SLC5A4: variants seen among roughly 807,000 people sequenced by gnomAD.
The protein encoded by SLC5A4 is solute carrier family 5 member 4, also known as probable glucose sensor protein SLC5A4.
A neutral mutation model predicts 70.3 loss-of-function variants in SLC5A4; 55 were observed. The observed-to-expected ratio is 0.78, with a 90% CI of 0.63 to 0.98. The LOEUF (loss-of-function observed/expected upper bound fraction) is 0.98, where lower values mean the gene tolerates loss of function less well. SLC5A4 is among the 50% of genes least tolerant of loss of function. The pLI is 0.00. For synonymous variants in SLC5A4, 268 were observed against 305.7 expected (o/e 0.88, Z 1.29); for missense variants, 735 against 839.2 (o/e 0.88, Z 1.53).
At chr22:32,308,675 C>T in the SLC5A4 span, among the ~76,000 whole-genome samples, 232 of 152,100 alleles carry the variant, frequency 1.5e-3, no homozygotes, top group African/African-American at 5.4e-3. Flanking sequence ...GGAGATGCCA[C>T]CCACCCTGGG....
the SLC5A4 span, among the ~76,000 whole-genome samples, chr22:32,349,105 G>T: frequency 6.6e-6 from 1 of 152,084 alleles, no homozygotes; most frequent in Non-Finnish European, 1.5e-5. Context: ...CTCCCGAGTA[G>T]CTGGGATTAC....
At chr22:32,308,966 TCTCA>T in the SLC5A4 span, among the ~76,000 whole-genome samples, 30 of 152,160 alleles carry the variant, frequency 2.0e-4, no homozygotes, top group Non-Finnish European at 3.5e-4. Flanking sequence ...ACCTAGACAG[TCTCA>T]CTCTGTCGCC....
In SLC5A4 at chr22:32,229,183, G is replaced by T. The variant is rs367930190; in HGVS notation, c.1280+11C>A. The T allele has an allele frequency of 1.2e-5, 19 of 1,612,212 alleles. No homozygotes were observed. In the African/African-American group the frequency reaches 2.4e-4, roughly 20 times the overall value. ...CCAGAGGATTCTAGGTGGGAACCAGGGTTCACTCACCGTCCAGCTATCAGG... is the reference window on the plus strand; with the variant it reads ...CCAGAGGATTCTAGGTGGGAACCAGTGTTCACTCACCGTCCAGCTATCAGG... On this transcript the variant is annotated intron_variant, in intron 11 of 14. Transcript: ENST00000266086.
At chr22:32,302,758 C>T in the SLC5A4 span, among the ~76,000 whole-genome samples, 20 of 152,212 alleles carry the variant, frequency 1.3e-4, no homozygotes, top group African/African-American at 2.6e-4. Context: ...GAGTGATTAC[C>T]CCCATTTCTC....
chr22:32,257,510 C>T (rs1191185774), upstream of SLC5A4, among the ~76,000 whole-genome samples: 2 of 152,046 alleles, frequency 1.3e-5, no homozygotes, highest in African/African-American at 4.8e-5. Context: ...ACATGCCACC[C>T]ATGCCTGGCT....
chr22:32,267,640 A>G, the SLC5A4 span, among the ~76,000 whole-genome samples: 1 of 151,964 alleles, frequency 6.6e-6, no homozygotes, highest in Non-Finnish European at 1.5e-5. Context: ...CACTGCACCC[A>G]GCCAACCTTT....
rs1411905917 is a variant in SLC5A4, at chr22:32,225,676, G to C, written c.1428C>G (p.Phe476Leu). Residue 476 changes from phenylalanine to leucine, a missense_variant, in exon 12 of 15, where the codon TTC becomes TTG. Coordinates refer to ENST00000266086, the MANE Select transcript of SLC5A4 (RefSeq NM_014227.3). ...TCACCTGTTCATTGACTCTTTTACA[G>C]AAGATGGCAAGCACAAAGACAGCTG... ...PIAAVFVLAI[F>L]CKRVNEQGAF... 6.2e-7 allele frequency: 1 copy of C among 1,611,884 alleles called. No homozygotes were observed. The highest frequency in any genetic ancestry group is 8.5e-7 in the Non-Finnish European group (1 of 1,179,172).
the SLC5A4 span, chr22:32,354,908 G>A: frequency 0.02 from 2,981 of 152,476 alleles, 80 homozygotes; most frequent in African/African-American, 0.063. Context: ...GTGAGCCACG[G>A]CAGGCTCCAG....
At chr22:32,306,594 G>C in the SLC5A4 span, among the ~76,000 whole-genome samples, 14 of 152,228 alleles carry the variant, frequency 9.2e-5, no homozygotes, top group African/African-American at 3.4e-4. Context: ...AGCTCTCAGA[G>C]AGACCCCATG....
chr22:32,310,026 C>T, the SLC5A4 span, among the ~76,000 whole-genome samples: 1 of 126,654 alleles, frequency 7.9e-6, no homozygotes, highest in Admixed American at 1.0e-4. Context: ...TCAGTTATTC[C>T]TGAAAAGACC....
At chr22:32,271,644 C>A in the SLC5A4 span, 2 of 613,834 alleles carry the variant, frequency 3.3e-6, no homozygotes, top group Non-Finnish European at 6.0e-6. Context: ...TGCGGCCCCT[C>A]ACCTCACTGG....
chr22:32,334,403 C>T, the SLC5A4 span, among the ~76,000 whole-genome samples: 1 of 152,136 alleles, frequency 6.6e-6, no homozygotes, highest in Non-Finnish European at 1.5e-5. Context: ...CCTCAGTGTG[C>T]CCCTCCAACA....
the SLC5A4 span, among the ~76,000 whole-genome samples, chr22:32,274,168 T>C: frequency 6.6e-6 from 1 of 151,968 alleles, no homozygotes; most frequent in Non-Finnish European, 1.5e-5. Context: ...GCCTCCCCAG[T>C]AGCTGGGACT....
chr22:32,220,016 A>G (rs1379980529), intron 14 of SLC5A4, among the ~76,000 whole-genome samples: 1 of 137,438 alleles, frequency 7.3e-6, no homozygotes, highest in East Asian at 2.1e-4. Context: ...AAATTTGATC[A>G]GTAATTAAGA....
At chr22:32,247,844 G>A (rs1926923096) in intron 4 of SLC5A4, among the ~76,000 whole-genome samples, 1 of 152,184 alleles carries the variant, frequency 6.6e-6, no homozygotes, top group East Asian at 1.9e-4. Flanking sequence ...CCAAACATAA[G>A]TGAAGTCATC....
chr22:32,278,059 C>T, the SLC5A4 span, among the ~76,000 whole-genome samples: 4 of 152,140 alleles, frequency 2.6e-5, no homozygotes, highest in Admixed American at 6.5e-5. Context: ...ACTGGATCAT[C>T]TCTTATATGG....
At chr22:32,240,602 C>T (rs551657353) in intron 5 of SLC5A4, among the ~76,000 whole-genome samples, 11 of 152,166 alleles carry the variant, frequency 7.2e-5, no homozygotes, top group Admixed American at 3.3e-4. Flanking sequence ...AGACAAATTG[C>T]GTAACATTTT....
the SLC5A4 span, among the ~76,000 whole-genome samples, chr22:32,344,249 T>TCA: frequency 1.3e-5 from 2 of 152,200 alleles, no homozygotes; most frequent in Admixed American, 1.3e-4. Context: ...CACATTTGCC[T>TCA]CAGTTCACTC....
At chr22:32,249,278 A>G (rs1927009132) in intron 3 of SLC5A4, among the ~76,000 whole-genome samples, 1 of 152,180 alleles carries the variant, frequency 6.6e-6, no homozygotes, top group African/African-American at 2.4e-5. Flanking sequence ...TCTCAGCCTA[A>G]GTGAGGCAGA....
Sources: allele counts gnomAD v4.1 joint callset (sites outside exome capture counted in the v4.1 genomes callset), GRCh38; gene constraint gnomAD v4.1.1; transcripts MANE v1.5; gene names NCBI Gene and HGNC (gene_info 2026-07-23, HGNC 2026-07-21).